Variants in SNX29 observed in about 807,000 individuals in gnomAD.
The protein encoded by SNX29 is sorting nexin-29.
Under a neutral mutation model 102.1 loss-of-function variants are expected in SNX29, and 78 were observed. That is an observed-to-expected ratio of 0.76 (90% CI 0.64 to 0.92). The LOEUF is 0.92. Ranked by LOEUF, SNX29 falls within the 40% of genes least tolerant of loss-of-function variation. The pLI is 0.00. For missense variants in SNX29, 1,280 were observed against 1,061.7 expected (o/e 1.21, Z -2.86); for synonymous variants, 580 against 414.5 (o/e 1.40, Z -4.85).
intron 20 of SNX29, among the ~76,000 whole-genome samples, chr16:12,559,047 G>T (rs149363448): frequency 3.3e-5 from 5 of 152,240 alleles, no homozygotes; most frequent in African/African-American, 1.2e-4. Context: ...TTCACACATC[G>T]TAACTGCAAT....
At chr16:12,352,515 A>T (rs963120410) in intron 15 of SNX29, among the ~76,000 whole-genome samples, 8 of 146,090 alleles carry the variant, frequency 5.5e-5, no homozygotes, top group Admixed American at 1.3e-4. Context: ...TTAAAGTATA[A>T]AAAAAAAAAT....
chr16:12,519,572 A>G (rs2090013025), intron 19 of SNX29, among the ~76,000 whole-genome samples: 1 of 152,250 alleles, frequency 6.6e-6, no homozygotes, highest in Non-Finnish European at 1.5e-5. Flanking sequence ...TCATGACTAT[A>G]ATTTACCTTA....
chr16:12,563,556 T>C (rs533366095), intron 20 of SNX29, among the ~76,000 whole-genome samples: 1 of 152,258 alleles, frequency 6.6e-6, no homozygotes, highest in South Asian at 2.1e-4. Context: ...ACCTGAGGGG[T>C]CTACCCCACC....
At chr16:12,121,166 C>T (rs1282754875) in intron 11 of SNX29, among the ~76,000 whole-genome samples, 1 of 152,230 alleles carries the variant, frequency 6.6e-6, no homozygotes, top group Non-Finnish European at 1.5e-5. Flanking sequence ...GACCCACAGG[C>T]TTGGGGGTGG....
chr16:12,535,602 C>G (rs2077053452), intron 20 of SNX29, among the ~76,000 whole-genome samples: 2 of 151,836 alleles, frequency 1.3e-5, no homozygotes, highest in South Asian at 2.1e-4. Flanking sequence ...AAGCCTCTAC[C>G]CTTTGTCACT....
Position 12,571,441 on chromosome 16 carries a change from TCAAA to T in SNX29, c.*2816_*2819del. On this transcript the variant is annotated 3_prime_UTR_variant, in exon 21 of 21. Transcript: ENST00000566228. ...TTCTTCTAAGATTACTCGGAGATTT[TCAAA>T]CAACATCTGAGAACAGAAGCCCCCT... 4.2e-6 allele frequency: 1 copy of T among 237,742 alleles called. No homozygotes were observed. Among genetic ancestry groups the T allele is most frequent in the Non-Finnish European group, 8.1e-6 (1 of 122,784 alleles). 14.7% of individuals were successfully genotyped at this position (237,742 alleles called of 1,614,324 possible). A position where few individuals can be genotyped will look rare whatever the true frequency, so the allele number is the denominator to read the frequency against.
intron 15 of SNX29, among the ~76,000 whole-genome samples, chr16:12,316,139 C>T (rs1445708667): frequency 2.0e-5 from 3 of 152,134 alleles, no homozygotes; most frequent in Non-Finnish European, 4.4e-5. Flanking sequence ...AGAGAGACAG[C>T]AAAGGTGAAG....
chr16:12,550,988 CTCAA>C (rs2141346121), intron 20 of SNX29, among the ~76,000 whole-genome samples: 2 of 152,276 alleles, frequency 1.3e-5, no homozygotes, highest in South Asian at 4.1e-4. Flanking sequence ...AAAGCTGTTT[CTCAA>C]TCTAAATATT....
At chr16:12,204,277 C>G (rs920616911) in intron 14 of SNX29, among the ~76,000 whole-genome samples, 1 of 152,196 alleles carries the variant, frequency 6.6e-6, no homozygotes, top group African/African-American at 2.4e-5. Context: ...CTCCCCTGCT[C>G]CTGTTATCAA....
At chr16:12,363,848 T>C (rs965323203) in intron 16 of SNX29, among the ~76,000 whole-genome samples, 3 of 152,198 alleles carry the variant, frequency 2.0e-5, no homozygotes, top group African/African-American at 7.2e-5. Context: ...TACTTGTGGG[T>C]TGAGCATCCC....
At chr16:12,122,853 G>A (rs1166997261) in intron 11 of SNX29, among the ~76,000 whole-genome samples, 1 of 152,072 alleles carries the variant, frequency 6.6e-6, no homozygotes, top group Non-Finnish European at 1.5e-5. Flanking sequence ...TCTAGGCGGA[G>A]TCTCACTCTG....
chr16:12,182,494 A>T (rs1376105305), intron 13 of SNX29, among the ~76,000 whole-genome samples: 2 of 152,096 alleles, frequency 1.3e-5, no homozygotes, highest in East Asian at 3.9e-4. Flanking sequence ...CTTCCCAGCC[A>T]CTGTGCTGCA....
intron 13 of SNX29, among the ~76,000 whole-genome samples, chr16:12,145,016 C>G (rs552211801): frequency 6.6e-6 from 1 of 152,226 alleles, no homozygotes; most frequent in South Asian, 2.1e-4. Context: ...CCGCTGCGCC[C>G]GGCCTCTTTG....
chr16:12,208,433 G>C (rs925180131), intron 14 of SNX29, among the ~76,000 whole-genome samples: 1 of 152,068 alleles, frequency 6.6e-6, no homozygotes, highest in Non-Finnish European at 1.5e-5. Context: ...TGCCTGATAG[G>C]TTGTGAGGAT....
Position 12,559,868 on chromosome 16 carries a change from AT to A in SNX29, c.2319-8635del, listed in dbSNP as rs546315710. Among the ~76,000 whole-genome samples, 94 of 152,244 alleles carry A rather than the reference AT, an allele frequency of 6.2e-4. 1 individual carries two copies. Among genetic ancestry groups the A allele is most frequent in the African/African-American group, 2.1e-3 (89 of 41,552 alleles). On this transcript the variant is annotated intron_variant, in intron 20 of 20. Transcript: ENST00000566228. ...AGACTGCTTTGATTTAAAATACCAG[AT>A]TTCAGAGGCTGAGGCAGGAGAATGG...
rs541547365 is a variant in SNX29, at chr16:12,332,033, C to T, written c.1783-24130C>T. On this transcript the variant is annotated intron_variant, in intron 15 of 20. Coordinates refer to ENST00000566228, the MANE Select transcript of SNX29 (RefSeq NM_032167.5). ...CAAGATCATGCCACTGCACTGGAGC[C>T]TGGGTGACAGAGCGAAACTCCATCT... is the stretch of plus-strand genomic sequence containing the variant. Among the ~76,000 whole-genome samples, 6 of 152,106 alleles carry T rather than the reference C, an allele frequency of 3.9e-5. No individual in the cohort carries two copies. In the South Asian group the frequency reaches 1.2e-3, roughly 32 times the overall value.
Position 12,043,208 on chromosome 16 carries a change from C to CCTCT in SNX29, c.428+131_428+132insCTCT, listed in dbSNP as rs2049956592. The CCTCT allele has an allele frequency of 2.6e-5, 31 of 1,184,864 alleles. No homozygotes were observed. In the Admixed American group the frequency reaches 6.0e-4, roughly 23 times the overall value. The allele number at this position is 1,184,864 out of a possible 1,614,324, so 73.4% of individuals were successfully genotyped here. ...GAAGTGGGCCTCCCTCTGACAGCTC[C>CCTCT]GGAGTGTTCTGCTGAGCTGTGGAGA... is the stretch of plus-strand genomic sequence containing the variant. On this transcript the variant is annotated intron_variant, in intron 5 of 20. Transcript: ENST00000566228.
At chr16:12,368,706 C>T (rs1478586188) in intron 16 of SNX29, among the ~76,000 whole-genome samples, 3 of 152,144 alleles carry the variant, frequency 2.0e-5, no homozygotes, top group South Asian at 2.1e-4. Context: ...AGCTTTTTAC[C>T]CCTCCGTTCT....
At chr16:12,522,258 A>G (rs909607929) in intron 19 of SNX29, among the ~76,000 whole-genome samples, 1 of 152,226 alleles carries the variant, frequency 6.6e-6, no homozygotes, top group Non-Finnish European at 1.5e-5. Context: ...AAAATTGTTC[A>G]TTGTTTATTT....
Sources: gnomAD v4.1 joint callset for allele counts (sites outside exome capture counted in the v4.1 genomes callset) on GRCh38, gnomAD v4.1.1 for gene constraint, MANE v1.5 for transcripts, NCBI Gene and HGNC (gene_info 2026-07-23, HGNC 2026-07-21) for gene names.